Variants in MGAT4C observed in about 807,000 individuals in gnomAD.
The protein encoded by MGAT4C is alpha-1,3-mannosyl-glycoprotein 4-beta-N-acetylglucosaminyltransferase C.
A neutral mutation model predicts 40.1 loss-of-function variants in MGAT4C; 19 were observed. The observed-to-expected ratio is 0.47, with a 90% CI of 0.33 to 0.70. The LOEUF is 0.70. MGAT4C is among the 30% of genes least tolerant of loss of function. The pLI, the probability that MGAT4C is intolerant of heterozygous loss-of-function variation, is 0.02. For synonymous variants in MGAT4C, 181 were observed against 187.1 expected, an observed-to-expected ratio of 0.97 and a Z score of 0.27; for missense variants, 491 against 563.2, an observed-to-expected ratio of 0.87 and a Z score of 1.30.
At position 86,721,843 on chromosome 12, in the gene MGAT4C, T is replaced by C. The variant is rs547584394; in HGVS notation, c.-229+5366A>G. Among the ~76,000 whole-genome samples the C allele has an allele frequency of 3.3e-5, 5 of 152,300 alleles. No individual in the cohort carries two copies. The South Asian group carries it at 1.0e-3, about 32-fold the overall frequency. On this transcript the variant is annotated intron_variant, in intron 2 of 7. Coordinates refer to the MGAT4C transcript ENST00000548651. The stretch of plus-strand genomic sequence containing the variant: ...AGTCTATTTATGTAGCACGCCATGC[T>C]TCAATGAAATCTAATACTGTATGTT...
intron 2 of MGAT4C, among the ~76,000 whole-genome samples, chr12:86,704,994 A>G (rs1950429297): frequency 1.3e-5 from 2 of 152,014 alleles, no homozygotes; most frequent in Admixed American, 6.6e-5. Flanking sequence ...CTTTTCTTGG[A>G]AAAAGGTGGA....
chr12:86,678,698 C>A (rs527609685), intron 2 of MGAT4C, among the ~76,000 whole-genome samples: 22 of 150,682 alleles, frequency 1.5e-4, no homozygotes, highest in Non-Finnish European at 2.9e-5. Context: ...TTTGTTCTTG[C>A]GATAGTTTAC....
At chr12:86,448,813 G>C (rs1202334595) in intron 2 of MGAT4C, among the ~76,000 whole-genome samples, 4 of 152,112 alleles carry the variant, frequency 2.6e-5, no homozygotes, top group Non-Finnish European at 5.9e-5. Context: ...AGAAATCTGA[G>C]TCTAATATAA....
chr12:86,297,123 G>A (rs1953701497), intron 4 of MGAT4C, among the ~76,000 whole-genome samples: 1 of 152,098 alleles, frequency 6.6e-6, no homozygotes, highest in Non-Finnish European at 1.5e-5. Flanking sequence ...CCCCAATGAA[G>A]GAAATAGAAA....
At position 85,980,017 on chromosome 12, in the gene MGAT4C, T is replaced by C; in HGVS notation, c.709A>G (p.Ile237Val). 3.1e-6 allele frequency: 5 copies of C among 1,613,626 alleles called. No homozygotes were observed. Among genetic ancestry groups the C allele is most frequent in the Non-Finnish European group, 4.2e-6 (5 of 1,179,774 alleles). ...TCTAGGGATGCAATGACTTTCTTGA[T>C]GGCAGTTAAGAAATTTTTTGAACAT... The part of the protein sequence containing the change: ...VRCSKNFLTA[I>V]KKVIASLEGT... The change falls in exon 5 of 5, where the codon ATC (isoleucine) becomes GTC (valine). Residue 237 changes from isoleucine to valine, a missense_variant. By Grantham distance (29) the Ile-to-Val change is conservative. Coordinates refer to ENST00000611864, the MANE Select transcript of MGAT4C (RefSeq NM_001351288.2).
At chr12:86,154,098 GGTATTGA>G (rs1179506169) in intron 1 of MGAT4C, among the ~76,000 whole-genome samples, 1 of 152,144 alleles carries the variant, frequency 6.6e-6, no homozygotes, top group African/African-American at 2.4e-5. Context: ...GAACTTGCTT[GGTATTGA>G]GTACTTTTTG....
At chr12:86,110,237 CT>C (rs1565995529) in intron 1 of MGAT4C, among the ~76,000 whole-genome samples, 1 of 31,282 alleles carries the variant, frequency 3.2e-5, no homozygotes, top group African/African-American at 1.2e-4. Flanking sequence ...GATTCTACCT[CT>C]GTAAAACAAT....
chr12:86,343,924 TG>T (rs1453816418), intron 3 of MGAT4C, among the ~76,000 whole-genome samples: 1 of 152,172 alleles, frequency 6.6e-6, no homozygotes, highest in African/African-American at 2.4e-5. Context: ...GCCTGCTGTT[TG>T]GCCATTCTTT....
In MGAT4C at chr12:86,661,116, T is replaced by C. The variant is rs571170437; in HGVS notation, c.-229+66093A>G. ...AAGAAGACCTACAGTCTCCCCTTGA[T>C]AGCTTGGGTTCTTTCTATATTACCA... On this transcript the variant is annotated intron_variant, in intron 2 of 7. Coordinates refer to the MGAT4C transcript ENST00000548651. Among the ~76,000 whole-genome samples the C allele has an allele frequency of 2.6e-5, 4 of 152,276 alleles. No individual in the cohort carries two copies. In the East Asian group the frequency reaches 7.7e-4, roughly 29 times the overall value.
At chr12:86,588,243 AT>A (rs1565868560) in intron 2 of MGAT4C, among the ~76,000 whole-genome samples, 2 of 152,024 alleles carry the variant, frequency 1.3e-5, no homozygotes, top group South Asian at 4.1e-4. Flanking sequence ...AAAAGGCAGG[AT>A]TTGCAATCCT....
At chr12:86,360,063 G>A (rs1173862757) in intron 3 of MGAT4C, among the ~76,000 whole-genome samples, 2 of 152,152 alleles carry the variant, frequency 1.3e-5, no homozygotes, top group East Asian at 1.9e-4. Context: ...TATCCCTGAA[G>A]AACATTGATG....
intron 1 of MGAT4C, among the ~76,000 whole-genome samples, chr12:86,145,998 T>C (rs1404723120): frequency 6.6e-6 from 1 of 152,076 alleles, no homozygotes; most frequent in Non-Finnish European, 1.5e-5. Flanking sequence ...ATGAAAACAG[T>C]CTAAGACATT....
chr12:86,500,585 C>A (rs906843607), intron 2 of MGAT4C, among the ~76,000 whole-genome samples: 1 of 151,720 alleles, frequency 6.6e-6, no homozygotes, highest in Non-Finnish European at 1.5e-5. Flanking sequence ...TATATAAATG[C>A]AAATCATTCT....
intron 2 of MGAT4C, among the ~76,000 whole-genome samples, chr12:86,609,443 C>A (rs1200413079): frequency 6.6e-6 from 1 of 151,818 alleles, no homozygotes; most frequent in Non-Finnish European, 1.5e-5. Flanking sequence ...ACTTTTCTGT[C>A]CTAAGTATTT....
chr12:86,222,938 A>G (rs1033271201), intron 1 of MGAT4C, among the ~76,000 whole-genome samples: 2 of 152,172 alleles, frequency 1.3e-5, no homozygotes, highest in African/African-American at 2.4e-5. Context: ...CTGCTATACC[A>G]TTTTACAACC....
chr12:86,319,747 G>A (rs1954333874), intron 4 of MGAT4C, among the ~76,000 whole-genome samples: 1 of 152,068 alleles, frequency 6.6e-6, no homozygotes, highest in Non-Finnish European at 1.5e-5. Context: ...TTCTTGTCAA[G>A]TTACCTAGGA....
chr12:86,390,834 A>C (rs1259541898), intron 3 of MGAT4C, among the ~76,000 whole-genome samples: 1 of 152,198 alleles, frequency 6.6e-6, no homozygotes, highest in East Asian at 1.9e-4. Flanking sequence ...ACTTCATATA[A>C]GAAACTGAGG....
intron 2 of MGAT4C, among the ~76,000 whole-genome samples, chr12:86,440,092 T>G (rs1478450604): frequency 6.6e-6 from 1 of 152,194 alleles, no homozygotes; most frequent in African/African-American, 2.4e-5. Context: ...TTCAAATGAT[T>G]GAGAAAGAGG....
chr12:86,159,830 C>A (rs937651390), intron 1 of MGAT4C, among the ~76,000 whole-genome samples: 4 of 151,936 alleles, frequency 2.6e-5, no homozygotes, highest in Non-Finnish European at 4.4e-5. Flanking sequence ...TGTCCACAGT[C>A]ATCTCTGAGT....
Sources: allele counts gnomAD v4.1 joint callset (sites outside exome capture counted in the v4.1 genomes callset), GRCh38; gene constraint gnomAD v4.1.1; transcripts MANE v1.5; gene names NCBI Gene and HGNC (gene_info 2026-07-23, HGNC 2026-07-21).